The following BIRC3 variants were observed in gnomAD, a reference collection of about 807,000 sequenced individuals.
BIRC3 encodes the protein baculoviral IAP repeat containing 3, also known as baculoviral IAP repeat-containing protein 3.
A neutral mutation model predicts 59.0 loss-of-function variants in BIRC3; 26 were observed. That is an observed-to-expected ratio of 0.44 (90% CI 0.32 to 0.61). The LOEUF (loss-of-function observed/expected upper bound fraction) is 0.61. BIRC3 is among the 20% of genes least tolerant of loss of function. BIRC3 has a pLI of 0.04. For synonymous variants in BIRC3, 243 were observed against 249.2 expected, an observed-to-expected ratio of 0.98 and a Z score of 0.24; for missense variants, 641 against 711.5, an observed-to-expected ratio of 0.90 and a Z score of 1.13.
Position 102,331,090 on chromosome 11 carries a change from TA to T in BIRC3, c.1174del (p.Arg392GlufsTer4). On this transcript the variant is annotated frameshift_variant, in exon 6 of 9. Coordinates refer to ENST00000263464, the MANE Select transcript of BIRC3 (RefSeq NM_001165.5). LOFTEE classifies it high-confidence loss of function. ...ATGCTGCCGTGGAAATGGGCTTTAG[TA>T]GAAGCCTGGTAAAACAGACAGTTCA... ...INAAVEMGFS[R>X]SLVKQTVQRK... is the part of the protein sequence containing the mutation. 1.9e-6 allele frequency: 3 copies of T among 1,613,834 alleles called. No individual in the cohort carries two copies. Among genetic ancestry groups the T allele is most frequent in the Non-Finnish European group, 2.5e-6 (3 of 1,179,854 alleles).
chr11:102,333,487 G>T (rs1158433083), intron 6 of BIRC3, among the ~76,000 whole-genome samples: 1 of 151,656 alleles, frequency 6.6e-6, no homozygotes, highest in Non-Finnish European at 1.5e-5. Flanking sequence ...GACCACTTGA[G>T]CCCAGGGAGG....
rs141290788 is a variant in BIRC3 at position 102,332,526 on chromosome 11, T to G, written c.1324+1285T>G. Among the ~76,000 whole-genome samples the G allele has an allele frequency of 1.9e-3, 286 of 152,322 alleles. 2 individuals are homozygous for G. The highest frequency in any genetic ancestry group is 6.7e-3 in the African/African-American group (280 of 41,566). ...TAGGAATGTCCCAATAATGTTTTCC[T>G]TTATCAAAATTCAGGCCCCCCCAAT... On this transcript the variant is annotated intron_variant, in intron 6 of 8. Coordinates refer to ENST00000263464, the MANE Select transcript of BIRC3 (RefSeq NM_001165.5).
Position 102,323,589 on chromosome 11 carries a change from C to A in BIRC3, c.-921C>A. ...ATCATTATACTTAAGCAATCATATT[C>A]CTGATGATCTATGGGAAATAACTAT... On this transcript the variant is annotated 5_prime_UTR_variant, in exon 2 of 9. Transcript: ENST00000263464. The A allele has an allele frequency of 1.6e-5, 3 of 190,490 alleles. No homozygotes were observed. The highest frequency in any genetic ancestry group is 3.3e-5 in the Non-Finnish European group (3 of 90,860). 11.8% of individuals were successfully genotyped at this position (190,490 alleles called of 1,614,324 possible). A position where few individuals can be genotyped will look rare whatever the true frequency, so the allele number is the denominator to read the frequency against.
chr11:102,334,237 T>A (rs1316605550), intron 6 of BIRC3, among the ~76,000 whole-genome samples: 2 of 152,314 alleles, frequency 1.3e-5, no homozygotes, highest in Admixed American at 1.3e-4. Flanking sequence ...CAAAATATAT[T>A]AAGTTCTAAG....
At position 102,338,029 on chromosome 11, in the gene BIRC3, T is replaced by C. The variant is rs1420487019; in HGVS notation, c.*927T>C. 4.4e-6 allele frequency: 1 copy of C among 226,932 alleles called. No individual in the cohort carries two copies. Among genetic ancestry groups the C allele is most frequent in the African/African-American group, 2.2e-5 (1 of 45,128 alleles). 14.1% of individuals were successfully genotyped at this position (226,932 alleles called of 1,614,324 possible). On this transcript the variant is annotated 3_prime_UTR_variant, in exon 9 of 9. Transcript: ENST00000263464. Reference sequence around the variant, plus strand: ...TGGAAGAAGGTCTGAGTTTTATTCTTATCTCTTTGGTATTAATTCTGAAAC... The same window carrying C: ...TGGAAGAAGGTCTGAGTTTTATTCTCATCTCTTTGGTATTAATTCTGAAAC...
At position 102,331,093 on chromosome 11, in the gene BIRC3, A is replaced by T; in HGVS notation, c.1176A>T (p.Arg392Ser). Residue 392 changes from arginine to serine, a missense_variant, in exon 6 of 9, where the codon AGA becomes AGT. Transcript: ENST00000263464. ...CTGCCGTGGAAATGGGCTTTAGTAG[A>T]AGCCTGGTAAAACAGACAGTTCAGA... ...INAAVEMGFSRSLVKQTVQRK... is the reference protein window; with the variant it reads ...INAAVEMGFSSSLVKQTVQRK... 6.2e-7 allele frequency: 1 copy of T among 1,613,876 alleles called. No individual in the cohort carries two copies. The highest frequency in any genetic ancestry group is 8.5e-7 in the Non-Finnish European group (1 of 1,179,874).
At chr11:102,328,784 T>G (rs1951108946) in intron 4 of BIRC3, 113 bp from the exon 5 acceptor site, 2 of 341,752 alleles carry the variant, frequency 5.9e-6, no homozygotes, top group Admixed American at 1.1e-4. Context: ...GCAAGTGGTT[T>G]GCAACAAGTT....
intron 6 of BIRC3, among the ~76,000 whole-genome samples, chr11:102,333,537 C>T (rs1237029614): frequency 6.6e-6 from 1 of 150,932 alleles, no homozygotes; most frequent in Non-Finnish European, 1.5e-5. Flanking sequence ...CCACTGCATT[C>T]CAGCCTGGGC....
intron 6 of BIRC3, 47 bp from the exon 7 acceptor site, chr11:102,335,919 G>T: frequency 6.4e-7 from 1 of 1,553,566 alleles, no homozygotes; most frequent in Non-Finnish European, 8.7e-7. Context: ...AAGGAAGTTT[G>T]TGAGCAGAGT....
intron 4 of BIRC3, among the ~76,000 whole-genome samples, chr11:102,328,562 A>G (rs528035513): frequency 1.7e-4 from 26 of 152,294 alleles, no homozygotes; most frequent in Middle Eastern, 6.8e-3. Context: ...ACTTATCCCA[A>G]AGGATGACCC....
rs950607848 is a variant in BIRC3, at chr11:102,337,116, C to T, written c.*14C>T. 6.1e-6 allele frequency: 9 copies of T among 1,472,624 alleles called. No homozygotes were observed. Among genetic ancestry groups the T allele is most frequent in the Non-Finnish European group, 8.1e-6 (9 of 1,113,356 alleles). The allele number at this position is 1,472,624 out of a possible 1,614,324, so 91.2% of individuals were successfully genotyped here. A position where few individuals can be genotyped will look rare whatever the true frequency, so the allele number is the denominator to read the frequency against. On this transcript the variant is annotated 3_prime_UTR_variant, in exon 9 of 9. Coordinates refer to ENST00000263464, the MANE Select transcript of BIRC3 (RefSeq NM_001165.5). ...TTTCTTTCATGAAGAAGAACCAAAA[C>T]ATCGTCTAAACTTTAGAATTAATTT...
chr11:102,331,723 C>A (rs1951144015), intron 6 of BIRC3, among the ~76,000 whole-genome samples: 1 of 152,136 alleles, frequency 6.6e-6, no homozygotes, highest in Admixed American at 6.5e-5. Flanking sequence ...CAACTCACTG[C>A]AACTTCTGCC....
In BIRC3 at chr11:102,336,052, G is replaced by A; in HGVS notation, c.1411G>A (p.Ala471Thr). ...VIPILDSLLT[A>T]GIINEQEHDV... The stretch of plus-strand genomic sequence containing the variant: ...TCCAATCCTGGATAGTCTACTAACT[G>A]CCGGAATTATTAATGAACAAGAACA... Residue 471 changes from alanine to threonine, a missense_variant, in exon 7 of 9, where the codon GCC (alanine) becomes ACC (threonine). By Grantham distance (58) the Ala-to-Thr change is moderately conservative. Transcript: ENST00000263464. 1 of 1,613,650 alleles carries A rather than the reference G, an allele frequency of 6.2e-7. No individual in the cohort carries two copies. Among genetic ancestry groups the A allele is most frequent in the South Asian group, 1.1e-5 (1 of 91,068 alleles).
At position 102,338,179 on chromosome 11, in the gene BIRC3, C is replaced by T. The variant is rs925106020; in HGVS notation, c.*1077C>T. ...TTATGTTATTGGTACTCAACACGTCCGAGTCATAACTCTGTCCTTTGCTTC... is the reference window on the plus strand; with the variant it reads ...TTATGTTATTGGTACTCAACACGTCTGAGTCATAACTCTGTCCTTTGCTTC... On this transcript the variant is annotated 3_prime_UTR_variant, in exon 9 of 9. Coordinates refer to ENST00000263464, the MANE Select transcript of BIRC3 (RefSeq NM_001165.5). The T allele has an allele frequency of 1.8e-5, 4 of 227,562 alleles. No homozygotes were observed. Among genetic ancestry groups the T allele is most frequent in the East Asian group, 6.3e-5 (1 of 15,898 alleles). The allele number at this position is 227,562 out of a possible 1,614,324, so 14.1% of individuals were successfully genotyped here. A position where few individuals can be genotyped will look rare whatever the true frequency, so the allele number is the denominator to read the frequency against.
rs142523935 is a variant in BIRC3 at position 102,324,540 on chromosome 11, T to C, written c.31T>C (p.Ser11Pro). Reference protein sequence around the residue: MNIVENSIFLSNLMKSANTFE... With the variant: MNIVENSIFLPNLMKSANTFE... Reference sequence around the variant, plus strand: ...CATAGTAGAAAACAGCATATTCTTATCAAATTTGATGAAAAGCGCCAACAC... The same window carrying C: ...CATAGTAGAAAACAGCATATTCTTACCAAATTTGATGAAAAGCGCCAACAC... The change falls in exon 2 of 9, where the codon TCA (serine) becomes CCA (proline). Residue 11 changes from serine to proline, a missense_variant. Around this residue, in one of 4 missense-constraint regions of BIRC3, gnomAD observed 329 missense variants for 365.6 expected, o/e 0.90. Coordinates refer to ENST00000263464, the MANE Select transcript of BIRC3 (RefSeq NM_001165.5). 6.6e-5 allele frequency: 106 copies of C among 1,613,700 alleles called. No individual in the cohort carries two copies. The Middle Eastern group carries it at 1.2e-3, about 18-fold the overall frequency.
chr11:102,329,816 T>G (rs932715485), intron 5 of BIRC3, among the ~76,000 whole-genome samples: 3 of 152,020 alleles, frequency 2.0e-5, no homozygotes, highest in Non-Finnish European at 4.4e-5. Context: ...GGGATAGCAT[T>G]AGGAGATACA....
rs1565324020 is a variant in BIRC3 at position 102,331,147 on chromosome 11, T to C, written c.1230T>C (p.Tyr410=). The C allele has an allele frequency of 1.9e-6, 3 of 1,613,762 alleles. No individual in the cohort carries two copies. The highest frequency in any genetic ancestry group is 2.5e-6 in the Non-Finnish European group (3 of 1,179,848). ...QRKILATGEN[Y]RLVNDLVLDL... ...AAATCCTAGCAACTGGAGAGAATTA[T>C]AGACTAGTCAATGATCTTGTGTTAG... The change falls in exon 6 of 9, where the codon TAT becomes TAC. Residue 410 remains tyrosine, a synonymous_variant. Coordinates refer to ENST00000263464, the MANE Select transcript of BIRC3 (RefSeq NM_001165.5).
rs564734397 is a variant in BIRC3, at chr11:102,337,620, C to T, written c.*518C>T. ...GACACATTTCTCTGTCTTTTTTGAT[C>T]AGTGTCCTATACATCGAAGGTGTGC... On this transcript the variant is annotated 3_prime_UTR_variant, in exon 9 of 9. Transcript: ENST00000263464. 1 of 357,516 alleles carries T rather than the reference C, an allele frequency of 2.8e-6. No individual in the cohort carries two copies. The highest frequency in any genetic ancestry group is 5.0e-6 in the Non-Finnish European group (1 of 199,952). 22.1% of individuals were successfully genotyped at this position (357,516 alleles called of 1,614,324 possible). A position where few individuals can be genotyped will look rare whatever the true frequency, so the allele number is the denominator to read the frequency against.
At position 102,338,606 on chromosome 11, in the gene BIRC3, T is replaced by C. The variant is rs1449536735; in HGVS notation, c.*1504T>C. The C allele has an allele frequency of 4.4e-6, 1 of 228,578 alleles. No individual in the cohort carries two copies. The highest frequency in any genetic ancestry group is 2.2e-5 in the African/African-American group (1 of 45,050). 14.2% of individuals were successfully genotyped at this position (228,578 alleles called of 1,614,324 possible). A position where few individuals can be genotyped will look rare whatever the true frequency, so the allele number is the denominator to read the frequency against. ...TTGGGGACCCAGCAAGGCCTGTCTGTTCAGATTATTCTTGGTCTCTGTGCA... is the reference window on the plus strand; with the variant it reads ...TTGGGGACCCAGCAAGGCCTGTCTGCTCAGATTATTCTTGGTCTCTGTGCA... On this transcript the variant is annotated 3_prime_UTR_variant, in exon 9 of 9. Coordinates refer to ENST00000263464, the MANE Select transcript of BIRC3 (RefSeq NM_001165.5).
Sources: gnomAD v4.1 joint callset for allele counts (sites outside exome capture counted in the v4.1 genomes callset) on GRCh38, gnomAD v4.1.1 for gene constraint, gnomAD v4.1.1 regional missense constraint, MANE v1.5 for transcripts, NCBI Gene and HGNC (gene_info 2026-07-23, HGNC 2026-07-21) for gene names.